The following CTPS2 variants were observed in gnomAD, a reference collection of about 807,000 sequenced individuals.
CTPS2 encodes the protein CTP synthase II.
Under a neutral mutation model 46.8 loss-of-function variants are expected in CTPS2, and 19 were observed. The ratio of observed to expected loss-of-function variants is 0.41; its 90% CI spans 0.28 to 0.60. The LOEUF is 0.60. CTPS2 is among the 20% of genes least tolerant of loss of function. CTPS2 has a pLI of 0.35. For synonymous variants in CTPS2, 151 were observed against 165.2 expected (o/e 0.91, Z 0.66); for missense variants, 286 against 447.6 (o/e 0.64, Z 3.26).
At chrX:16,675,755 T>C (rs1348377749) in intron 10 of CTPS2, among the ~76,000 whole-genome samples, 1 of 111,822 alleles carries the variant, frequency 8.9e-6, no homozygotes, top group African/African-American at 3.2e-5. Context: ...TGTTCTTAAA[T>C]GCAAGTTTCT....
At chrX:16,618,870 A>G (rs1057489597) in intron 15 of CTPS2, among the ~76,000 whole-genome samples, 4 of 112,066 alleles carry the variant, frequency 3.6e-5, no homozygotes, top group Non-Finnish European at 3.8e-5. Flanking sequence ...TTATTATGTT[A>G]TCTTATTTTT....
intron 13 of CTPS2, chrX:16,650,917 G>A: frequency 1.2e-6 from 1 of 830,827 alleles, no homozygotes; most frequent in Non-Finnish European, 1.7e-6. Flanking sequence ...TGGCCCAATG[G>A]CACTAAAATC....
At chrX:16,669,585 C>T (rs1310203513) in intron 11 of CTPS2, among the ~76,000 whole-genome samples, 1 of 106,336 alleles carries the variant, frequency 9.4e-6, no homozygotes, top group African/African-American at 3.4e-5. Context: ...AAAAAAAAAA[C>T]AATGGCCCCC....
At chrX:16,595,250 G>C (rs940321608) in intron 17 of CTPS2, among the ~76,000 whole-genome samples, 2 of 111,489 alleles carry the variant, frequency 1.8e-5, no homozygotes, top group Admixed American at 1.9e-4. Flanking sequence ...ATTTTATGAA[G>C]TGGTATAAAA....
intron 8 of CTPS2, 89 bp downstream of exon 8, chrX:16,689,361 T>C: frequency 1.1e-6 from 1 of 943,855 alleles, no homozygotes; most frequent in African/African-American, 1.9e-5. Context: ...AAATGCCAAA[T>C]ACACACGCTT....
intron 17 of CTPS2, among the ~76,000 whole-genome samples, chrX:16,604,963 C>T (rs1929887111): frequency 8.9e-6 from 1 of 111,988 alleles, no homozygotes; most frequent in Admixed American, 9.5e-5. Context: ...GTTAGTTAGA[C>T]TCGTGTAAAA....
At chrX:16,689,012 T>G (rs924346726) in intron 8 of CTPS2, among the ~76,000 whole-genome samples, 1 of 110,530 alleles carries the variant, frequency 9.0e-6, no homozygotes, top group African/African-American at 3.3e-5. Context: ...AGTGGGAGGA[T>G]GACTTGAGCC....
chrX:16,669,713 G>A (rs1392799075), intron 11 of CTPS2, among the ~76,000 whole-genome samples: 2 of 109,897 alleles, frequency 1.8e-5, no homozygotes, highest in African/African-American at 6.6e-5. Context: ...GCAGGTAATG[G>A]GGGGAAATAA....
intron 17 of CTPS2, among the ~76,000 whole-genome samples, chrX:16,596,281 G>A (rs193096247): frequency 0.012 from 1,347 of 108,749 alleles, 31 homozygotes; most frequent in African/African-American, 0.042. Context: ...ATGCTGGTGC[G>A]CTGCACCCAC....
intron 10 of CTPS2, among the ~76,000 whole-genome samples, chrX:16,674,863 G>A (rs1329840988): frequency 5.5e-5 from 6 of 109,941 alleles, no homozygotes; most frequent in East Asian, 2.9e-4. Flanking sequence ...GAAATTATGC[G>A]TGTGGACATT....
chrX:16,679,083 C>T (rs1051987681), intron 9 of CTPS2, among the ~76,000 whole-genome samples: 2 of 110,832 alleles, frequency 1.8e-5, no homozygotes, highest in African/African-American at 6.6e-5. Context: ...GCAGGCCGGG[C>T]GCATTGGCTC....
chrX:16,681,050 G>C (rs1369323875), intron 9 of CTPS2, among the ~76,000 whole-genome samples: 1 of 111,507 alleles, frequency 9.0e-6, no homozygotes, highest in Non-Finnish European at 1.9e-5. Flanking sequence ...GCTGGGCGTG[G>C]TGGCACATGC....
intron 14 of CTPS2, among the ~76,000 whole-genome samples, chrX:16,632,859 A>C (rs1428263694): frequency 1.8e-5 from 2 of 111,101 alleles, no homozygotes; most frequent in African/African-American, 6.5e-5. Context: ...GTGCCACTTC[A>C]TCTCTCAGCC....
chrX:16,664,018 A>G (rs1315151350), intron 13 of CTPS2, among the ~76,000 whole-genome samples: 3 of 110,862 alleles, frequency 2.7e-5, no homozygotes, highest in African/African-American at 9.9e-5. Flanking sequence ...TTATGTTTTT[A>G]GTAGAGACAA....
chrX:16,659,934 T>A (rs934435259), intron 13 of CTPS2, among the ~76,000 whole-genome samples: 15 of 111,818 alleles, frequency 1.3e-4, no homozygotes, highest in Admixed American at 5.7e-4. Flanking sequence ...CACCCCACAT[T>A]TTCCATTTTC....
At chrX:16,627,246 G>A (rs942246466) in intron 14 of CTPS2, among the ~76,000 whole-genome samples, 34 of 111,745 alleles carry the variant, frequency 3.0e-4, no homozygotes, top group African/African-American at 1.1e-3. Flanking sequence ...GCATTTTAAG[G>A]ACCAGAGCCC....
intron 17 of CTPS2, among the ~76,000 whole-genome samples, chrX:16,602,959 C>T (rs1185101257): frequency 8.9e-6 from 1 of 111,788 alleles, no homozygotes; most frequent in Non-Finnish European, 1.9e-5. Context: ...CCCTTTCAAG[C>T]TGGCTTCTTT....
intron 4 of CTPS2, among the ~76,000 whole-genome samples, chrX:16,697,633 G>A (rs1356690317): frequency 9.2e-6 from 1 of 108,270 alleles, no homozygotes; most frequent in Non-Finnish European, 1.9e-5. Flanking sequence ...CTGTAGAGAC[G>A]GGTTTTCGCC....
chrX:16,690,960 G>A (rs1165060305), intron 7 of CTPS2, among the ~76,000 whole-genome samples: 1 of 112,310 alleles, frequency 8.9e-6, no homozygotes, highest in African/African-American at 3.2e-5. Flanking sequence ...GGAAACACAA[G>A]ATAAAGAGAT....
Sources: gnomAD v4.1 joint callset for allele counts (sites outside exome capture counted in the v4.1 genomes callset) on GRCh38, gnomAD v4.1.1 for gene constraint, MANE v1.5 for transcripts, NCBI Gene and HGNC (gene_info 2026-07-23, HGNC 2026-07-21) for gene names.